Variants in RMP64 observed in about 807,000 individuals in gnomAD.
RMP64 encodes nucleolus and neural progenitor protein.
At chr3:113,014,162 T>A in the RMP64 span, 27 of 580,904 alleles carry the variant, frequency 4.6e-5, no homozygotes, top group Middle Eastern at 1.2e-3. Flanking sequence ...GAATACCTTA[T>A]TTTTTTTCAG....
the RMP64 span, chr3:113,004,227 T>C: frequency 6.6e-6 from 1 of 152,108 alleles, no homozygotes; most frequent in Non-Finnish European, 1.5e-5. Flanking sequence ...GAAGCTAAAG[T>C]AGTGTTTATA....
At chr3:113,017,073 C>A in the RMP64 span, among the ~76,000 whole-genome samples, 1 of 152,160 alleles carries the variant, frequency 6.6e-6, no homozygotes, top group East Asian at 1.9e-4. Flanking sequence ...TTTTAGCATT[C>A]TGATTATGCC....
the RMP64 span, chr3:113,011,028 G>A: frequency 1.3e-6 from 2 of 1,567,500 alleles, no homozygotes; most frequent in Non-Finnish European, 1.7e-6. Context: ...AGTATGTGCT[G>A]TATCAAAGCA....
the RMP64 span, among the ~76,000 whole-genome samples, chr3:113,016,613 G>C: frequency 6.6e-6 from 1 of 152,162 alleles, no homozygotes; most frequent in Non-Finnish European, 1.5e-5. Context: ...GAAAGACCAT[G>C]GTCCCAGATC....
At chr3:113,008,795 C>T in the RMP64 span, 1 of 182,232 alleles carries the variant, frequency 5.5e-6, no homozygotes, top group Non-Finnish European at 1.2e-5. Flanking sequence ...CAGGACAGGT[C>T]CCATCTGCAG....
chr3:113,017,044 C>G, the RMP64 span, among the ~76,000 whole-genome samples: 37 of 152,282 alleles, frequency 2.4e-4, 1 homozygote, highest in African/African-American at 8.4e-4. Flanking sequence ...AATAAGTAGA[C>G]AAGTTTTTTT....
chr3:113,014,802 G>T, the RMP64 span: 4 of 152,152 alleles, frequency 2.6e-5, no homozygotes, highest in African/African-American at 9.6e-5. Flanking sequence ...GATGAAGCTT[G>T]TTCTTATGTT....
At chr3:113,005,332 T>C in the RMP64 span, 3 of 568,642 alleles carry the variant, frequency 5.3e-6, no homozygotes, top group Non-Finnish European at 9.4e-6. Flanking sequence ...TGACATGTAG[T>C]TGAAGCCAAA....
the RMP64 span, chr3:113,002,817 G>A: frequency 6.5e-6 from 1 of 153,018 alleles, no homozygotes; most frequent in Admixed American, 6.5e-5. Context: ...GAGGGGATGG[G>A]GTGGCCCCAC....
chr3:113,006,134 G>A, the RMP64 span: 1 of 662,050 alleles, frequency 1.5e-6, no homozygotes, highest in Non-Finnish European at 2.5e-6. Context: ...TACAATCCCA[G>A]AACCACATCG....
chr3:113,013,460 T>TGG, the RMP64 span: 1 of 1,283,124 alleles, frequency 7.8e-7, no homozygotes, highest in Non-Finnish European at 1.0e-6. Context: ...GGTTTTTTTT[T>TGG]TGTTTTTTTT....
the RMP64 span, chr3:113,017,514 T>A: frequency 6.2e-7 from 1 of 1,614,162 alleles, no homozygotes; most frequent in South Asian, 1.1e-5. Flanking sequence ...GGACTGCACA[T>A]AACACATCTG....
the RMP64 span, chr3:113,013,978 CTTGAA>C: frequency 2.5e-5 from 40 of 1,613,594 alleles, no homozygotes; most frequent in Non-Finnish European, 3.4e-5. Context: ...TCAAACAGGT[CTTGAA>C]TTGAGCCCTC....
chr3:113,005,378 C>CTT, the RMP64 span: 1 of 603,832 alleles, frequency 1.7e-6, no homozygotes. Flanking sequence ...CACAATGCTA[C>CTT]TTTAAATGTA....
At chr3:113,014,444 C>G in the RMP64 span, 1 of 155,806 alleles carries the variant, frequency 6.4e-6, no homozygotes, top group African/African-American at 2.4e-5. Context: ...CAAGCTCCAC[C>G]TCCTGGGTTC....
chr3:113,011,139 C>G, the RMP64 span: 1 of 1,613,330 alleles, frequency 6.2e-7, no homozygotes, highest in Non-Finnish European at 8.5e-7. Context: ...AAATTCCAAG[C>G]AAGGTTTCTT....
At chr3:113,012,643 C>T in the RMP64 span, 1 of 778,318 alleles carries the variant, frequency 1.3e-6, no homozygotes, top group Non-Finnish European at 2.2e-6. Context: ...TCCATAACCC[C>T]ATAAGAAAAT....
chr3:113,019,475 T>C, the RMP64 span: 8 of 1,357,714 alleles, frequency 5.9e-6, no homozygotes, highest in Non-Finnish European at 8.3e-6. Context: ...CCCGCCCACA[T>C]GCGCCGGCTG....
chr3:113,017,402 C>A, the RMP64 span: 1 of 1,536,042 alleles, frequency 6.5e-7, no homozygotes. Context: ...GTGTGATCTA[C>A]ATTTTCAAGT....
Sources: gnomAD v4.1 joint callset for allele counts (sites outside exome capture counted in the v4.1 genomes callset) on GRCh38, gnomAD v4.1.1 for gene constraint, MANE v1.5 for transcripts, NCBI Gene and HGNC (gene_info 2026-07-23, HGNC 2026-07-21) for gene names.